The following ETS1 variants were observed in gnomAD, a reference collection of about 807,000 sequenced individuals.
ETS1 encodes the protein ETS proto-oncogene 1, transcription factor, also known as protein C-ets-1.
In ETS1, 15 loss-of-function variants were observed where a neutral mutation model predicts 58.6. The observed-to-expected ratio is 0.26, with a 90% confidence interval of 0.17 to 0.39. ETS1 has a LOEUF of 0.39. Among genes scored for constraint, ETS1 ranks in the 10% least tolerant of loss-of-function variants. The pLI, the probability that ETS1 is intolerant of heterozygous loss-of-function variation, is 1.00. For synonymous variants in ETS1, 214 were observed against 218.2 expected, an observed-to-expected ratio of 0.98 and a Z score of 0.17; for missense variants, 417 against 610.5, an observed-to-expected ratio of 0.68 and a Z score of 3.34.
chr11:128,466,168 C>A (rs1183206613), intron 8 of ETS1, among the ~76,000 whole-genome samples: 2 of 152,248 alleles, frequency 1.3e-5, no homozygotes, highest in Admixed American at 1.3e-4. Context: ...TGGCATCCAC[C>A]TCCACAGGAG....
In ETS1 at chr11:128,485,027, A is replaced by C. The variant is rs750489144; in HGVS notation, c.658T>G (p.Ser220Ala). 6.2e-6 allele frequency: 10 copies of C among 1,614,054 alleles called. No individual in the cohort carries two copies. The South Asian group carries it at 1.1e-4, about 18-fold the overall frequency. The change falls in exon 7 of 10, where the codon TCA becomes GCA. Residue 220 changes from serine (S) to alanine (A), a missense_variant. By Grantham distance (99) the Ser-to-Ala change is moderately conservative (BLOSUM62 1). Coordinates refer to ENST00000392668, the MANE Select transcript of ETS1 (RefSeq NM_001143820.2). The stretch of plus-strand genomic sequence containing the variant: ...GACTCTGTGATGAAGCTGGGCTCTG[A>C]GAACTCCGATGGTGGAACACACTGG... ...HAQCVPPSEF[S>A]EPSFITESYQ...
At chr11:128,581,655 A>T (rs574517892) in intron 1 of ETS1, among the ~76,000 whole-genome samples, 74 of 152,340 alleles carry the variant, frequency 4.9e-4, no homozygotes, top group African/African-American at 1.8e-3. Context: ...ATTGTTTTCC[A>T]AGTCAAATGC....
At chr11:128,585,391 C>T (rs1317390702) in intron 1 of ETS1, among the ~76,000 whole-genome samples, 1 of 151,500 alleles carries the variant, frequency 6.6e-6, no homozygotes, top group Admixed American at 6.6e-5. Context: ...CGTAATCATT[C>T]CCTTCTGCTG....
At chr11:128,556,229 T>C (rs190487695) in intron 3 of ETS1, 62 bp downstream of exon 3, 205 of 1,406,818 alleles carry the variant, frequency 1.5e-4, no homozygotes, top group Non-Finnish European at 2.0e-4. Flanking sequence ...AATGCAGCCC[T>C]CATCACATTT....
chr11:128,482,903 G>A (rs1013134841), intron 7 of ETS1, among the ~76,000 whole-genome samples: 10 of 152,140 alleles, frequency 6.6e-5, no homozygotes, highest in African/African-American at 2.2e-4. Context: ...GAGTAGACTC[G>A]TACAAAGACA....
At chr11:128,573,277 G>A in intron 1 of ETS1, 133 bp from the exon 2 acceptor site, 1 of 630,588 alleles carries the variant, frequency 1.6e-6, no homozygotes, top group Non-Finnish European at 2.8e-6. Context: ...TGCATGGCAG[G>A]GAAAGCAATG....
intron 3 of ETS1, chr11:128,527,504 G>A (rs1366691815): frequency 6.5e-6 from 1 of 154,454 alleles, no homozygotes; most frequent in Non-Finnish European, 1.4e-5. Context: ...TGAGCATGTT[G>A]CCTGGAATTG....
chr11:128,572,228 G>T (rs1202963152), intron 2 of ETS1: 2 of 144,002 alleles, frequency 1.4e-5, no homozygotes, highest in Non-Finnish European at 3.0e-5. Flanking sequence ...AGCCAAGATT[G>T]TGCCACTGCA....
intron 7 of ETS1, 96 bp downstream of exon 7, chr11:128,484,727 A>C: frequency 8.7e-7 from 1 of 1,153,316 alleles, no homozygotes; most frequent in Non-Finnish European, 1.2e-6. Context: ...CTACAGGTCT[A>C]ATAAATAAGA....
rs922878084 is a variant in ETS1 at position 128,459,249 on chromosome 11, T to C, written c.*3112A>G. On this transcript the variant is annotated 3_prime_UTR_variant, in exon 10 of 10. Transcript: ENST00000392668. ...ATATTTATGGTTCCTTGAAACTTCT[T>C]TGGAATGTAGGTAAGAGTTCAACAA... The C allele has an allele frequency of 2.0e-5, 3 of 152,368 alleles. No individual in the cohort carries two copies. Among genetic ancestry groups the C allele is most frequent in the Non-Finnish European group, 4.4e-5 (3 of 67,992 alleles). The allele number at this position is 152,368 out of a possible 1,614,324, so 9.4% of individuals were successfully genotyped here.
rs531795212 is a variant in ETS1, at chr11:128,583,913, C to T, written c.-15+3575G>A. 3.3e-5 allele frequency among the ~76,000 whole-genome samples: 5 copies of T among 152,252 alleles called. No homozygotes were observed. In the South Asian group the frequency reaches 1.0e-3, roughly 32 times the overall value. On this transcript the variant is annotated intron_variant, in intron 1 of 9. Transcript: ENST00000392668. Reference sequence around the variant, plus strand: ...AAAAGGCAGATCAGAAACATCCTTCCCTCACTGCTCTAGATACCATTTTTT... The same window carrying T: ...AAAAGGCAGATCAGAAACATCCTTCTCTCACTGCTCTAGATACCATTTTTT...
chr11:128,570,485 G>A (rs1447043875), intron 2 of ETS1, among the ~76,000 whole-genome samples: 5 of 151,754 alleles, frequency 3.3e-5, no homozygotes, highest in African/African-American at 7.3e-5. Flanking sequence ...CAACTGATCC[G>A]CCCGCCTCAG....
chr11:128,491,314 T>G (rs1050611607), intron 3 of ETS1, among the ~76,000 whole-genome samples: 1 of 152,244 alleles, frequency 6.6e-6, no homozygotes, highest in Non-Finnish European at 1.5e-5. Flanking sequence ...GAGCTAGCTA[T>G]CTGATTCTTG....
At chr11:128,561,056 G>T (rs1413980332) in intron 2 of ETS1, among the ~76,000 whole-genome samples, 1 of 152,220 alleles carries the variant, frequency 6.6e-6, no homozygotes, top group Admixed American at 6.5e-5. Flanking sequence ...AGGTGTTATA[G>T]AGAGAGAAAG....
chr11:128,564,005 C>T (rs539615808), intron 2 of ETS1, among the ~76,000 whole-genome samples: 2 of 152,316 alleles, frequency 1.3e-5, no homozygotes, highest in East Asian at 1.9e-4. Flanking sequence ...TTAGCACCTC[C>T]GTACCCTCCC....
chr11:128,493,752 G>C (rs555527349), intron 3 of ETS1, among the ~76,000 whole-genome samples: 2 of 152,188 alleles, frequency 1.3e-5, no homozygotes, highest in African/African-American at 4.8e-5. Context: ...GTGAACAGTT[G>C]GCAAAGATTG....
At chr11:128,577,858 T>G (rs1163934721) in intron 1 of ETS1, among the ~76,000 whole-genome samples, 7 of 149,842 alleles carry the variant, frequency 4.7e-5, no homozygotes, top group Non-Finnish European at 1.0e-4. Context: ...AAAAAATTGG[T>G]GCAGCTGATG....
chr11:128,511,604 T>C (rs1233108385), intron 3 of ETS1, among the ~76,000 whole-genome samples: 1 of 152,248 alleles, frequency 6.6e-6, no homozygotes, highest in African/African-American at 2.4e-5. Flanking sequence ...CAGCCAGCTA[T>C]GTGGGACTTG....
chr11:128,495,252 T>A (rs1044122722), intron 3 of ETS1, among the ~76,000 whole-genome samples: 1 of 152,092 alleles, frequency 6.6e-6, no homozygotes, highest in African/African-American at 2.4e-5. Flanking sequence ...TTCTCTCTAT[T>A]CCACTGCAAA....
Sources: allele counts gnomAD v4.1 joint callset (sites outside exome capture counted in the v4.1 genomes callset), GRCh38; gene constraint gnomAD v4.1.1; transcripts MANE v1.5; gene names NCBI Gene and HGNC (gene_info 2026-07-23, HGNC 2026-07-21).